RPS6KC1: variants seen among roughly 807,000 people sequenced by gnomAD.
The protein encoded by RPS6KC1 is ribosomal protein S6 kinase C1, also known as inactive ribosomal protein S6 kinase delta-1.
In RPS6KC1, 54 loss-of-function variants were observed where a neutral mutation model predicts 103.8. The observed-to-expected ratio is 0.52, with a 90% CI of 0.42 to 0.65. The LOEUF is 0.65. RPS6KC1 is among the 30% of genes least tolerant of loss of function. The pLI, the probability that RPS6KC1 is intolerant of heterozygous loss-of-function variation, is 0.00. For missense variants in RPS6KC1, 1,151 were observed against 1,253.8 expected (o/e 0.92, Z 1.24); for synonymous variants, 439 against 438.7 (o/e 1.00, Z -0.01).
At chr1:213,839,823 G>C in the RPS6KC1 span, 1 of 152,024 alleles carries the variant, frequency 6.6e-6, no homozygotes, top group Non-Finnish European at 1.5e-5. Context: ...GAATAATACC[G>C]ATCTAGTAGG....
At chr1:213,814,626 A>G in the RPS6KC1 span, among the ~76,000 whole-genome samples, 5 of 152,160 alleles carry the variant, frequency 3.3e-5, no homozygotes, top group African/African-American at 1.2e-4. Context: ...AATCCATGTC[A>G]CTAACCATTC....
At chr1:213,437,183 T>A in the RPS6KC1 span, among the ~76,000 whole-genome samples, 17 of 152,142 alleles carry the variant, frequency 1.1e-4, no homozygotes, top group African/African-American at 3.9e-4. Context: ...CTTTTTAAAA[T>A]TTCTAGATTG....
At chr1:213,756,539 A>G in the RPS6KC1 span, among the ~76,000 whole-genome samples, 2 of 152,202 alleles carry the variant, frequency 1.3e-5, no homozygotes, top group Admixed American at 6.5e-5. Context: ...CCATATTTTC[A>G]ACATCATGTG....
the RPS6KC1 span, among the ~76,000 whole-genome samples, chr1:213,415,241 C>A: frequency 6.6e-6 from 1 of 152,214 alleles, no homozygotes; most frequent in Non-Finnish European, 1.5e-5. Context: ...AAGCTGCTAT[C>A]GCAATTCATA....
At chr1:213,409,667 T>C in the RPS6KC1 span, among the ~76,000 whole-genome samples, 1 of 152,202 alleles carries the variant, frequency 6.6e-6, no homozygotes, top group Non-Finnish European at 1.5e-5. Context: ...ACTTTGTGAA[T>C]GGGTGCTGTT....
chr1:213,795,833 T>C, the RPS6KC1 span, among the ~76,000 whole-genome samples: 1 of 152,158 alleles, frequency 6.6e-6, no homozygotes, highest in Non-Finnish European at 1.5e-5. Flanking sequence ...TTTCGTCTCT[T>C]AGCTTCTCTC....
intron 4 of RPS6KC1, among the ~76,000 whole-genome samples, chr1:213,106,266 C>T (rs1188574446): frequency 6.6e-6 from 1 of 151,972 alleles, no homozygotes; most frequent in African/African-American, 2.4e-5. Flanking sequence ...AAACTCATTC[C>T]ATTAGCTTGA....
chr1:213,458,603 C>T, the RPS6KC1 span, among the ~76,000 whole-genome samples: 2 of 152,100 alleles, frequency 1.3e-5, no homozygotes, highest in Non-Finnish European at 2.9e-5. Context: ...CCCTTTATTT[C>T]TTTCTCCTGT....
At chr1:213,464,533 G>A in the RPS6KC1 span, among the ~76,000 whole-genome samples, 1 of 152,004 alleles carries the variant, frequency 6.6e-6, no homozygotes, top group South Asian at 2.1e-4. Flanking sequence ...TTACTGATCA[G>A]TGCTTTTAAA....
At chr1:213,309,317 AAAC>A in the RPS6KC1 span, among the ~76,000 whole-genome samples, 1 of 152,066 alleles carries the variant, frequency 6.6e-6, no homozygotes, top group Non-Finnish European at 1.5e-5. Flanking sequence ...ACAAACAAAC[AAAC>A]AACAACAACA....
At position 213,240,928 on chromosome 1, in the gene RPS6KC1, C is replaced by T; in HGVS notation, c.1452C>T (p.Ser484=). ...TTACTCCAAGTTCTCAAGATGACAG[C>T]AACCAGGAAGATGATGGCCAAGATA... ...SSLTPSSQDD[S]NQEDDGQDSS... Residue 484 remains serine (S), a synonymous_variant, in exon 11 of 15, where the codon AGC becomes AGT. Transcript: ENST00000366960. The T allele has an allele frequency of 6.2e-7, 1 of 1,613,840 alleles. No individual in the cohort carries two copies. The highest frequency in any genetic ancestry group is 8.5e-7 in the Non-Finnish European group (1 of 1,179,886).
At chr1:213,819,716 A>C in the RPS6KC1 span, 1 of 152,240 alleles carries the variant, frequency 6.6e-6, no homozygotes, top group East Asian at 1.9e-4. Context: ...TGGTGACATC[A>C]GTCCTTATTA....
chr1:213,598,746 C>T, the RPS6KC1 span, among the ~76,000 whole-genome samples: 4 of 151,932 alleles, frequency 2.6e-5, no homozygotes, highest in African/African-American at 9.7e-5. Flanking sequence ...GATGAAACCC[C>T]GTCTCTACTA....
chr1:213,447,124 G>A, the RPS6KC1 span, among the ~76,000 whole-genome samples: 4 of 151,614 alleles, frequency 2.6e-5, no homozygotes, highest in Non-Finnish European at 4.4e-5. Context: ...CTGGAGTGCA[G>A]TAGCACAATC....
the RPS6KC1 span, among the ~76,000 whole-genome samples, chr1:213,338,078 T>C: frequency 1.1e-4 from 16 of 152,186 alleles, no homozygotes; most frequent in African/African-American, 2.7e-4. Flanking sequence ...TCTTCAGTTA[T>C]TGGGGGAAGA....
At chr1:213,650,556 G>GTCCGCA in the RPS6KC1 span, among the ~76,000 whole-genome samples, 1 of 152,240 alleles carries the variant, frequency 6.6e-6, no homozygotes, top group African/African-American at 2.4e-5. Flanking sequence ...TTGCATCTAT[G>GTCCGCA]TCCGCATCCG....
the RPS6KC1 span, among the ~76,000 whole-genome samples, chr1:213,452,542 C>G: frequency 6.6e-6 from 1 of 152,118 alleles, no homozygotes. Context: ...GCTGTTAAGT[C>G]TTTCCTCCCC....
At chr1:213,410,053 G>A in the RPS6KC1 span, among the ~76,000 whole-genome samples, 1 of 152,218 alleles carries the variant, frequency 6.6e-6, no homozygotes, top group Non-Finnish European at 1.5e-5. Context: ...TACTTGGGAA[G>A]CTAAAGTGGA....
At chr1:213,507,298 C>T in the RPS6KC1 span, among the ~76,000 whole-genome samples, 8 of 152,268 alleles carry the variant, frequency 5.3e-5, 1 homozygote, top group African/African-American at 1.9e-4. Flanking sequence ...GGCTCTGGCA[C>T]TCCTACCTGA....
Sources: gnomAD v4.1 joint callset for allele counts (sites outside exome capture counted in the v4.1 genomes callset) on GRCh38, gnomAD v4.1.1 for gene constraint, MANE v1.5 for transcripts, NCBI Gene and HGNC (gene_info 2026-07-23, HGNC 2026-07-21) for gene names.